The following GRIA4 variants were observed in gnomAD, a reference collection of about 807,000 sequenced individuals.
GRIA4 encodes the protein glutamate ionotropic receptor AMPA type subunit 4, also known as glutamate receptor 4.
A neutral mutation model predicts 104.0 loss-of-function variants in GRIA4; 34 were observed. That is an observed-to-expected ratio of 0.33 (90% CI 0.25 to 0.44). The LOEUF is 0.44. Ranked by LOEUF, GRIA4 falls within the 20% of genes least tolerant of loss-of-function variation. GRIA4 has a pLI of 1.00. For missense variants in GRIA4, 750 were observed against 1,096.5 expected (o/e 0.68, Z 4.46); for synonymous variants, 386 against 381.9 (o/e 1.01, Z -0.13).
At chr11:105,713,929 A>T (rs1419243363) in intron 3 of GRIA4, among the ~76,000 whole-genome samples, 1 of 152,174 alleles carries the variant, frequency 6.6e-6, no homozygotes, top group Non-Finnish European at 1.5e-5. Flanking sequence ...GTAGACCTTC[A>T]GCGGCTCTTC....
chr11:105,801,160 T>C (rs962058813), intron 4 of GRIA4, among the ~76,000 whole-genome samples: 4 of 151,586 alleles, frequency 2.6e-5, no homozygotes, highest in Non-Finnish European at 5.9e-5. Context: ...AAAATCTTAT[T>C]TCTTAAAACT....
At chr11:105,731,493 A>G (rs989649287) in intron 3 of GRIA4, among the ~76,000 whole-genome samples, 1 of 152,228 alleles carries the variant, frequency 6.6e-6, no homozygotes, top group African/African-American at 2.4e-5. Context: ...CTAGAACTAC[A>G]AATACCATTT....
At chr11:105,691,297 A>C (rs2135494340) in intron 3 of GRIA4, among the ~76,000 whole-genome samples, 1 of 152,152 alleles carries the variant, frequency 6.6e-6, no homozygotes, top group East Asian at 1.9e-4. Flanking sequence ...GAACAACAAC[A>C]AAAAAAATTG....
intron 14 of GRIA4, among the ~76,000 whole-genome samples, chr11:105,956,248 T>G (rs1948586840): frequency 6.6e-6 from 1 of 152,114 alleles, no homozygotes; most frequent in East Asian, 1.9e-4. Context: ...CCTAATGCTA[T>G]CCCTCCCCGC....
chr11:105,825,593 A>G (rs1298611282), intron 4 of GRIA4, among the ~76,000 whole-genome samples: 1 of 152,074 alleles, frequency 6.6e-6, no homozygotes, highest in Non-Finnish European at 1.5e-5. Flanking sequence ...CAGCAAGAAT[A>G]CAGTAATTTA....
Position 105,640,197 on chromosome 11 carries a change from A to G in GRIA4, c.247+27763A>G, listed in dbSNP as rs545686915. On this transcript the variant is annotated intron_variant, in intron 3 of 16. Coordinates refer to ENST00000282499, the MANE Select transcript of GRIA4 (RefSeq NM_000829.4). Reference sequence around the variant, plus strand: ...GAAAATAAAGGGAAGACATTTGCTTACTTAAAAAGCTAGATGTTTCATAAG... The same window carrying G: ...GAAAATAAAGGGAAGACATTTGCTTGCTTAAAAAGCTAGATGTTTCATAAG... Among the ~76,000 whole-genome samples the G allele has an allele frequency of 6.6e-5, 10 of 152,086 alleles. No homozygotes were observed. In the South Asian group the frequency reaches 1.0e-3, roughly 16 times the overall value.
intron 8 of GRIA4, 80 bp from the exon 9 acceptor site, chr11:105,905,117 G>A: frequency 2.6e-6 from 2 of 781,402 alleles, no homozygotes; most frequent in Non-Finnish European, 4.5e-6. Context: ...TTTTTAAGTA[G>A]TTATAAGCCC....
intron 16 of GRIA4, among the ~76,000 whole-genome samples, chr11:105,977,549 C>A (rs1192095199): frequency 6.6e-6 from 1 of 151,994 alleles, no homozygotes; most frequent in Non-Finnish European, 1.5e-5. Flanking sequence ...AATGCTGTAA[C>A]TGGAGTATTC....
At chr11:105,760,059 C>T (rs1471068318) in intron 4 of GRIA4, among the ~76,000 whole-genome samples, 5 of 152,084 alleles carry the variant, frequency 3.3e-5, no homozygotes, top group Non-Finnish European at 5.9e-5. Flanking sequence ...TTCCTCTCCC[C>T]GAGCCAGACT....
At chr11:105,682,873 T>C (rs1418532588) in intron 3 of GRIA4, among the ~76,000 whole-genome samples, 1 of 152,196 alleles carries the variant, frequency 6.6e-6, no homozygotes, top group Non-Finnish European at 1.5e-5. Context: ...CTTGAACCTA[T>C]GATGTATACT....
chr11:105,617,014 C>A lies in GRIA4; in HGVS notation c.247+4580C>A, dbSNP rs1950618052. Among the ~76,000 whole-genome samples the A allele has an allele frequency of 2.0e-5, 3 of 150,924 alleles. No individual in the cohort carries two copies. The South Asian group carries it at 6.3e-4, about 31-fold the overall frequency. ...ATTTTAGAGTTGTCGTAGGATTAAG[C>A]TTTCATAAAGCTGTCAAAAAAACTC... On this transcript the variant is annotated intron_variant, in intron 3 of 16. Coordinates refer to ENST00000282499, the MANE Select transcript of GRIA4 (RefSeq NM_000829.4).
At chr11:105,826,101 G>A (rs527401279) in intron 4 of GRIA4, among the ~76,000 whole-genome samples, 1 of 151,972 alleles carries the variant, frequency 6.6e-6, no homozygotes, top group Admixed American at 6.6e-5. Flanking sequence ...ATAACCTTCA[G>A]TTCCCCTTGA....
chr11:105,630,557 C>T (rs1565416517), intron 3 of GRIA4, among the ~76,000 whole-genome samples: 2 of 151,602 alleles, frequency 1.3e-5, no homozygotes, highest in African/African-American at 4.9e-5. Context: ...AGCAAGACTC[C>T]TTCTAGGAAA....
chr11:105,641,100 T>C (rs1228243000), intron 3 of GRIA4, among the ~76,000 whole-genome samples: 4 of 152,142 alleles, frequency 2.6e-5, no homozygotes, highest in Non-Finnish European at 5.9e-5. Flanking sequence ...CCAATATTTG[T>C]CATAATTTTG....
At chr11:105,789,643 A>G (rs117676143) in intron 4 of GRIA4, among the ~76,000 whole-genome samples, 2 of 152,082 alleles carry the variant, frequency 1.3e-5, no homozygotes, top group African/African-American at 4.8e-5. Context: ...TTTCAGCTGG[A>G]AAGTTATTAG....
intron 14 of GRIA4, among the ~76,000 whole-genome samples, chr11:105,958,616 A>T (rs1223684104): frequency 6.6e-6 from 1 of 152,108 alleles, no homozygotes; most frequent in Non-Finnish European, 1.5e-5. Flanking sequence ...TATCAGGATG[A>T]TGCTGGCCTC....
chr11:105,749,885 A>G (rs1286144266), intron 3 of GRIA4, among the ~76,000 whole-genome samples: 1 of 152,228 alleles, frequency 6.6e-6, no homozygotes, highest in Non-Finnish European at 1.5e-5. Flanking sequence ...AACTTAAAAT[A>G]TAGAGCAATC....
chr11:105,623,161 T>C (rs1950798571), intron 3 of GRIA4, among the ~76,000 whole-genome samples: 1 of 150,876 alleles, frequency 6.6e-6, no homozygotes, highest in Admixed American at 6.6e-5. Flanking sequence ...CTGTTGTGAA[T>C]AGCTCTGTGA....
chr11:105,849,019 G>A (rs530284603), intron 4 of GRIA4, among the ~76,000 whole-genome samples: 44 of 152,124 alleles, frequency 2.9e-4, no homozygotes, highest in African/African-American at 8.7e-4. Context: ...GCGACAACCC[G>A]TCTCTACTAA....
Sources: allele counts gnomAD v4.1 joint callset (sites outside exome capture counted in the v4.1 genomes callset), GRCh38; gene constraint gnomAD v4.1.1; transcripts MANE v1.5; gene names NCBI Gene and HGNC (gene_info 2026-07-23, HGNC 2026-07-21).